Variants in NME9 observed in about 807,000 individuals in gnomAD.
The protein encoded by NME9 is NME/NM23 family member 9.
In NME9, 48 loss-of-function variants were observed where a neutral mutation model predicts 44.4. The ratio of observed to expected loss-of-function variants is 1.08; its 90% CI spans 0.86 to 1.37. NME9 has a LOEUF of 1.37. Among genes scored for constraint, NME9 ranks in the 40% most tolerant of loss-of-function variants. The pLI is 0.00. For missense variants in NME9, 325 were observed against 405.2 expected (o/e 0.80, Z 1.70); for synonymous variants, 139 against 147.1 (o/e 0.94, Z 0.40).
At chr3:138,282,474 C>T (rs780288801) in intron 8 of NME9, among the ~76,000 whole-genome samples, 2 of 151,864 alleles carry the variant, frequency 1.3e-5, no homozygotes, top group Non-Finnish European at 2.9e-5. Context: ...GGTGAAATCC[C>T]GTCTCTACTA....
At chr3:138,299,764 C>G (rs971078571), downstream of NME9, among the ~76,000 whole-genome samples, 2 of 152,218 alleles carry the variant, frequency 1.3e-5, no homozygotes, top group African/African-American at 4.8e-5. Flanking sequence ...CACAAGAACA[C>G]TCCCCGCCGA....
chr3:138,267,386 G>A (rs2048374995), intron 8 of NME9: 2 of 485,036 alleles, frequency 4.1e-6, no homozygotes, highest in South Asian at 4.0e-5. Flanking sequence ...GTAGGGGTGT[G>A]CAAATAAATC....
rs1020488764 is a variant in NME9, at chr3:138,303,101, A to G, written c.928+406T>C. Among the ~76,000 whole-genome samples the G allele has an allele frequency of 2.0e-5, 3 of 152,268 alleles. No homozygotes were observed. In the East Asian group the frequency reaches 5.8e-4, roughly 29 times the overall value. On this transcript the variant is annotated intron_variant, in intron 10 of 10. Transcript: ENST00000333911. Reference sequence around the variant, plus strand: ...CTCCAGGTTGAGGGCCCTTCCGTATAGCTGCGTTTCTCAGTGAGCCCTTAG... The same window carrying G: ...CTCCAGGTTGAGGGCCCTTCCGTATGGCTGCGTTTCTCAGTGAGCCCTTAG...
At chr3:138,303,278 C>A in intron 10 of NME9, 1 of 409,600 alleles carries the variant, frequency 2.4e-6, no homozygotes, top group Non-Finnish European at 4.4e-6. Flanking sequence ...AGATAAGCAG[C>A]AAAAAATTTA....
chr3:138,309,084 G>A lies in NME9; in HGVS notation c.461-2604C>T, dbSNP rs980366413. Among the ~76,000 whole-genome samples, 5 of 151,946 alleles carry A rather than the reference G, an allele frequency of 3.3e-5. No individual in the cohort carries two copies. In the East Asian group the frequency reaches 9.7e-4, roughly 29 times the overall value. Reference sequence around the variant, plus strand: ...GGTGGGCAGATCACCTGACATCAGGGGTTCAAGACCAGCCTGACCAACAGG... The same window carrying A: ...GGTGGGCAGATCACCTGACATCAGGAGTTCAAGACCAGCCTGACCAACAGG... On this transcript the variant is annotated intron_variant, in intron 6 of 10. Coordinates refer to ENST00000333911, the MANE Select transcript of NME9 (RefSeq NM_001349018.2).
At chr3:138,274,861 C>T (rs894639458) in intron 8 of NME9, among the ~76,000 whole-genome samples, 1 of 152,082 alleles carries the variant, frequency 6.6e-6, no homozygotes, top group Non-Finnish European at 1.5e-5. Flanking sequence ...AAGTGATTTC[C>T]AGGATAAATA....
intron 8 of NME9, among the ~76,000 whole-genome samples, chr3:138,278,334 TG>T (rs2049513234): frequency 2.0e-5 from 3 of 152,032 alleles, no homozygotes; most frequent in Admixed American, 2.0e-4. Context: ...GGTGAAGCCC[TG>T]TCTTTACTAA....
chr3:138,303,632 T>G lies in NME9; in HGVS notation c.803A>C (p.Gln268Pro). 6.2e-7 allele frequency: 1 copy of G among 1,607,442 alleles called. No individual in the cohort carries two copies. The part of the protein sequence containing the change: ...RREQPESLRA[Q>P]YGTEMPFNAV... ...ATTGAAGGGCATTTCTGTGCCGTAC[T>G]GAGCTCGGAGACTGGGAACATTGGC... The change falls in exon 10 of 11, where the codon CAG becomes CCG. Residue 268 changes from glutamine to proline, a missense_variant. Coordinates refer to ENST00000333911, the MANE Select transcript of NME9 (RefSeq NM_001349018.2).
At chr3:138,276,669 G>T (rs1267988824) in intron 8 of NME9, among the ~76,000 whole-genome samples, 1 of 152,138 alleles carries the variant, frequency 6.6e-6, no homozygotes, top group Non-Finnish European at 1.5e-5. Flanking sequence ...AGTACCATTT[G>T]CAGTAACTTA....
At chr3:138,320,456 G>A (rs2053392877) in intron 2 of NME9, among the ~76,000 whole-genome samples, 1 of 152,222 alleles carries the variant, frequency 6.6e-6, no homozygotes, top group South Asian at 2.1e-4. Flanking sequence ...CAGGGAGATA[G>A]TGTCAAAATT....
intron 8 of NME9, among the ~76,000 whole-genome samples, chr3:138,277,233 G>A (rs1338421294): frequency 6.6e-6 from 1 of 152,010 alleles, no homozygotes; most frequent in Non-Finnish European, 1.5e-5. Flanking sequence ...AATTAACTTT[G>A]AACTATACCA....
At chr3:138,308,955 A>C (rs1478280119) in intron 6 of NME9, among the ~76,000 whole-genome samples, 2 of 150,878 alleles carry the variant, frequency 1.3e-5, no homozygotes, top group Non-Finnish European at 3.0e-5. Flanking sequence ...GAAAAAAAAA[A>C]AAAAAAAAAA....
At chr3:138,289,934 C>T (rs1285245917) in intron 8 of NME9, among the ~76,000 whole-genome samples, 1 of 152,052 alleles carries the variant, frequency 6.6e-6, no homozygotes, top group African/African-American at 2.4e-5. Context: ...CAGCAGCGCC[C>T]AAAACAAAGT....
At chr3:138,289,763 A>G (rs1414891429) in intron 8 of NME9, among the ~76,000 whole-genome samples, 2 of 152,128 alleles carry the variant, frequency 1.3e-5, no homozygotes, top group African/African-American at 4.8e-5. Context: ...AGTGGGTCTC[A>G]AGGCTGGGTT....
intron 6 of NME9, among the ~76,000 whole-genome samples, chr3:138,313,804 C>G (rs2052870683): frequency 6.6e-6 from 1 of 152,092 alleles, no homozygotes; most frequent in Admixed American, 6.5e-5. Flanking sequence ...AATAAGCCCC[C>G]AAGCAAAGAA....
rs1203447118 is a variant in NME9 at position 138,329,486 on chromosome 3, T to C, written c.-151A>G. Reference sequence around the variant, plus strand: ...CCCCGGCCCCTTTTTAAGGTGCTTCTAACTGGCGGCAAATCAGCACACTGA... The same window carrying C: ...CCCCGGCCCCTTTTTAAGGTGCTTCCAACTGGCGGCAAATCAGCACACTGA... On this transcript the variant is annotated 5_prime_UTR_variant, in exon 1 of 11. Coordinates refer to ENST00000333911, the MANE Select transcript of NME9 (RefSeq NM_001349018.2). 6.9e-7 allele frequency: 1 copy of C among 1,456,160 alleles called. No individual in the cohort carries two copies. Among genetic ancestry groups the C allele is most frequent in the African/African-American group, 1.4e-5 (1 of 69,984 alleles). The allele number at this position is 1,456,160 out of a possible 1,614,324, so 90.2% of individuals were successfully genotyped here.
rs764938575 is a variant in NME9 at position 138,304,928 on chromosome 3, G to T, written c.736C>A (p.Arg246=). 1 of 1,614,120 alleles carries T rather than the reference G, an allele frequency of 6.2e-7. No homozygotes were observed. The highest frequency in any genetic ancestry group is 1.7e-5 in the Admixed American group (1 of 60,018). The change falls in exon 9 of 11, where the codon CGA becomes AGA. Residue 246 remains arginine, a synonymous_variant. Transcript: ENST00000333911. ...GGGTCACGGGGGCCCATGACGGTTC[G>T]CCAGGTAGTGACCACGTCCTCGAAG... is the stretch of plus-strand genomic sequence containing the variant. ...EGFEDVVTTW[R]TVMGPRDPNV... is the part of the protein sequence containing the mutation.
intron 8 of NME9, among the ~76,000 whole-genome samples, chr3:138,282,473 C>G (rs756366370): frequency 6.6e-6 from 1 of 152,004 alleles, no homozygotes; most frequent in Admixed American, 6.6e-5. Flanking sequence ...TGGTGAAATC[C>G]CGTCTCTACT....
chr3:138,315,463 C>T, intron 5 of NME9, 64 bp downstream of exon 5: 1 of 1,095,474 alleles, frequency 9.1e-7, no homozygotes, highest in Non-Finnish European at 1.3e-6. Context: ...GAGATGGGGA[C>T]TGCTGATCTC....
Sources: allele counts gnomAD v4.1 joint callset (sites outside exome capture counted in the v4.1 genomes callset), GRCh38; gene constraint gnomAD v4.1.1; transcripts MANE v1.5; gene names NCBI Gene and HGNC (gene_info 2026-07-23, HGNC 2026-07-21).